Variants in EGFLAM observed in about 807,000 individuals in gnomAD.
EGFLAM encodes the protein EGF like, fibronectin type III and laminin G domains.
In EGFLAM, 79 loss-of-function variants were observed where a neutral mutation model predicts 113.1. The observed-to-expected ratio is 0.70, with a 90% CI of 0.58 to 0.84. The LOEUF (loss-of-function observed/expected upper bound fraction) is 0.84, where lower values mean the gene tolerates loss of function less well. Ranked by LOEUF, EGFLAM falls within the 40% of genes least tolerant of loss-of-function variation. The pLI is 0.00. For synonymous variants in EGFLAM, 504 were observed against 487.6 expected, an observed-to-expected ratio of 1.03 and a Z score of -0.44; for missense variants, 1,265 against 1,291.6, an observed-to-expected ratio of 0.98 and a Z score of 0.32.
chr5:38,287,894 T>C (rs1561264211), intron 1 of EGFLAM, among the ~76,000 whole-genome samples: 1 of 152,214 alleles, frequency 6.6e-6, no homozygotes. Flanking sequence ...GTTTATTTAA[T>C]TACCATATGC....
Position 38,438,310 on chromosome 5 carries a change from T to A in EGFLAM, c.2319T>A (p.His773Gln). The A allele has an allele frequency of 1.2e-6, 2 of 1,613,972 alleles. No homozygotes were observed. The highest frequency in any genetic ancestry group is 1.7e-6 in the Non-Finnish European group (2 of 1,179,888). The change falls in exon 17 of 22, where the codon CAT becomes CAA. Residue 773 changes from histidine to glutamine, a missense_variant. His to Gln is a conservative substitution (Grantham distance 24). Transcript: ENST00000322350. ...ATGACCGAACCATCCATGTGAAGCA[T>A]GACTTCACCTCCGGAGTGAATGTGG... ...ILNDRTIHVK[H>Q]DFTSGVNVEN...
chr5:38,264,571 G>C (rs1757586160), intron 1 of EGFLAM, among the ~76,000 whole-genome samples: 1 of 151,840 alleles, frequency 6.6e-6, no homozygotes, highest in Non-Finnish European at 1.5e-5. Flanking sequence ...GGGTCATCCT[G>C]GTCTACTTCC....
intron 1 of EGFLAM, among the ~76,000 whole-genome samples, chr5:38,298,998 C>A (rs1198131993): frequency 6.6e-6 from 1 of 152,210 alleles, no homozygotes; most frequent in Non-Finnish European, 1.5e-5. Flanking sequence ...AACTGCACAT[C>A]TTTAAAACAA....
chr5:38,337,237 A>G (rs1739211554), intron 1 of EGFLAM, among the ~76,000 whole-genome samples: 1 of 152,182 alleles, frequency 6.6e-6, no homozygotes, highest in Admixed American at 6.5e-5. Flanking sequence ...GGTCTATGCT[A>G]CCCTGAATCT....
intron 3 of EGFLAM, among the ~76,000 whole-genome samples, chr5:38,340,818 T>C (rs1739314590): frequency 7.8e-6 from 1 of 127,514 alleles, no homozygotes; most frequent in African/African-American, 2.8e-5. Flanking sequence ...TCAATCTCTG[T>C]GTGTGTGTGT....
chr5:38,268,056 A>T (rs1029635368), intron 1 of EGFLAM, among the ~76,000 whole-genome samples: 1 of 152,196 alleles, frequency 6.6e-6, no homozygotes, highest in African/African-American at 2.4e-5. Context: ...TCCCTCACAC[A>T]ACAGTAGACT....
At chr5:38,396,486 C>A (rs1740965888) in intron 6 of EGFLAM, among the ~76,000 whole-genome samples, 1 of 152,146 alleles carries the variant, frequency 6.6e-6, no homozygotes, top group South Asian at 2.1e-4. Flanking sequence ...TGCAGAGCAC[C>A]CTGCAAGATT....
intron 6 of EGFLAM, among the ~76,000 whole-genome samples, chr5:38,389,667 G>C (rs922424593): frequency 6.6e-6 from 1 of 151,972 alleles, no homozygotes; most frequent in African/African-American, 2.4e-5. Context: ...TCCCCAGCCT[G>C]GATAAGTTTT....
chr5:38,413,574 T>C (rs777780186), intron 11 of EGFLAM, among the ~76,000 whole-genome samples: 1 of 152,196 alleles, frequency 6.6e-6, no homozygotes, highest in Non-Finnish European at 1.5e-5. Context: ...TTTAGGACTA[T>C]GTTCAGAATA....
In EGFLAM at chr5:38,464,179, A is replaced by G. The variant is rs751416; in HGVS notation, c.*193A>G. 0.035 allele frequency: 22,301 copies of G among 643,880 alleles called. 3,284 individuals carry two copies. The highest frequency in any genetic ancestry group is 0.34 in the African/African-American group (18,454 of 54,836). 39.9% of individuals were successfully genotyped at this position (643,880 alleles called of 1,614,324 possible). On this transcript the variant is annotated 3_prime_UTR_variant, in exon 22 of 22. Transcript: ENST00000322350. Reference sequence around the variant, plus strand: ...GGGTGGCCTTTCCTGCTGACACTCCACGAGCTGACCCAGCAGAATTCTCTG... The same window carrying G: ...GGGTGGCCTTTCCTGCTGACACTCCGCGAGCTGACCCAGCAGAATTCTCTG...
At chr5:38,446,566 T>TG (rs1742720377) in intron 17 of EGFLAM, among the ~76,000 whole-genome samples, 1 of 151,820 alleles carries the variant, frequency 6.6e-6, no homozygotes, top group Admixed American at 6.6e-5. Context: ...TGGCTGGGGG[T>TG]GCAGCCCCAA....
In EGFLAM at chr5:38,406,959, G is replaced by A. The variant is rs778060103; in HGVS notation, c.960G>A (p.Thr320=). 8.7e-6 allele frequency: 14 copies of A among 1,614,148 alleles called. No individual in the cohort carries two copies. The highest frequency in any genetic ancestry group is 4.0e-5 in the African/African-American group (3 of 75,024). Residue 320 remains threonine, a synonymous_variant, in exon 8 of 22, where the codon ACG becomes ACA. Transcript: ENST00000322350. ...CCTCAGCATCTCTCCCTGTGACCAC[G>A]GTGGCTCCCCAGCCCATTCCCATAC... ...PPTSASLPVT[T]VAPQPIPIQR...
chr5:38,461,918 C>T (rs1053103695), intron 20 of EGFLAM, among the ~76,000 whole-genome samples: 4 of 152,138 alleles, frequency 2.6e-5, no homozygotes, highest in Non-Finnish European at 5.9e-5. Flanking sequence ...GTAATCCCAG[C>T]ACTTTGGGAG....
chr5:38,378,797 C>T (rs987944031), intron 6 of EGFLAM, among the ~76,000 whole-genome samples: 3 of 152,184 alleles, frequency 2.0e-5, no homozygotes, highest in African/African-American at 7.2e-5. Flanking sequence ...ATCTCTGGGT[C>T]TCAGCTTCCT....
intron 5 of EGFLAM, among the ~76,000 whole-genome samples, chr5:38,363,252 AC>A (rs1419578731): frequency 6.6e-6 from 1 of 152,064 alleles, no homozygotes. Context: ...GTTTCCTCTC[AC>A]CCCTGTTGTG....
At chr5:38,289,793 A>G (rs1232146736) in intron 1 of EGFLAM, among the ~76,000 whole-genome samples, 1 of 152,186 alleles carries the variant, frequency 6.6e-6, no homozygotes, top group Non-Finnish European at 1.5e-5. Context: ...TTCAAGACTA[A>G]GTTTCTCCAA....
At chr5:38,291,551 C>T (rs560068393) in intron 1 of EGFLAM, among the ~76,000 whole-genome samples, 1 of 152,282 alleles carries the variant, frequency 6.6e-6, no homozygotes, top group Admixed American at 6.5e-5. Context: ...CGTGTCTCCA[C>T]GTGTCTTATC....
At chr5:38,289,834 G>C (rs1333806682) in intron 1 of EGFLAM, among the ~76,000 whole-genome samples, 1 of 152,184 alleles carries the variant, frequency 6.6e-6, no homozygotes, top group East Asian at 1.9e-4. Context: ...GGAAGGCCAC[G>C]GTAGTCTCCT....
At chr5:38,311,837 A>G (rs1738452750) in intron 1 of EGFLAM, among the ~76,000 whole-genome samples, 3 of 152,226 alleles carry the variant, frequency 2.0e-5, no homozygotes, top group Non-Finnish European at 2.9e-5. Context: ...GTCCTTGGAC[A>G]AACGACAAAC....
Sources: allele counts gnomAD v4.1 joint callset (sites outside exome capture counted in the v4.1 genomes callset), GRCh38; gene constraint gnomAD v4.1.1; transcripts MANE v1.5; gene names NCBI Gene and HGNC (gene_info 2026-07-23, HGNC 2026-07-21).